NLRP7: variants seen among roughly 807,000 people sequenced by gnomAD.
NLRP7 encodes the protein NLR family pyrin domain containing 7, also known as NACHT, LRR and PYD domains-containing protein 7.
Under a neutral mutation model 85.5 loss-of-function variants are expected in NLRP7, and 72 were observed. That is an observed-to-expected ratio of 0.84 (90% confidence interval 0.70 to 1.02). The LOEUF (loss-of-function observed/expected upper bound fraction) is 1.02, where lower values mean the gene tolerates loss of function less well. Among genes scored for constraint, NLRP7 ranks in the 50% least tolerant of loss-of-function variants. The pLI, the probability that NLRP7 is intolerant of heterozygous loss-of-function variation, is 0.00. For synonymous variants in NLRP7, 550 were observed against 505.2 expected, an observed-to-expected ratio of 1.09 and a Z score of -1.19; for missense variants, 1,243 against 1,219.5, an observed-to-expected ratio of 1.02 and a Z score of -0.29.
chr19:54,944,659 C>T (rs2069387484), intron 1 of NLRP7, among the ~76,000 whole-genome samples: 1 of 152,084 alleles, frequency 6.6e-6, no homozygotes, highest in South Asian at 2.1e-4. Flanking sequence ...GCAGGCCACC[C>T]CTTCAGTGAG....
intron 1 of NLRP7, among the ~76,000 whole-genome samples, chr19:54,943,121 T>C (rs2069305340): frequency 6.6e-6 from 1 of 150,702 alleles, no homozygotes; most frequent in Admixed American, 6.6e-5. Context: ...TACTCCAGCC[T>C]GGGCAACAAG....
At chr19:54,945,238 C>T (rs1318289238) in intron 1 of NLRP7, among the ~76,000 whole-genome samples, 1 of 69,696 alleles carries the variant, frequency 1.4e-5, no homozygotes, top group Non-Finnish European at 3.0e-5. Context: ...GACTCCCTCT[C>T]AAAAAAAAAA....
At chr19:54,956,100 A>G (rs1019000107) in intron 1 of NLRP7, among the ~76,000 whole-genome samples, 3 of 150,574 alleles carry the variant, frequency 2.0e-5, no homozygotes, top group African/African-American at 7.3e-5. Context: ...TGATCTCGCA[A>G]CTGCACTCCA....
chr19:54,923,824 T>G lies in NLRP7; in HGVS notation c.2859A>C (p.Glu953Asp), dbSNP rs773515680. ...TCAGCTTGGGATTCTTTTCTTTCACTTCCTCCAACAGCTTCTTGATTTCCA... is the reference window on the plus strand; with the variant it reads ...TCAGCTTGGGATTCTTTTCTTTCACGTCCTCCAACAGCTTCTTGATTTCCA... Residue 953 changes from glutamate to aspartate, a missense_variant, in exon 10 of 10, where the codon GAA (glutamate) becomes GAC (aspartate). This residue lies in a region of NLRP7 where 613 missense variants were observed against 588.4 expected (regional missense o/e 1.04). Transcript: ENST00000340844. The G allele has an allele frequency of 1.7e-5, 27 of 1,613,842 alleles. No individual in the cohort carries two copies. The highest frequency in any genetic ancestry group is 2.7e-5 in the African/African-American group (2 of 74,928).
At chr19:54,951,960 G>T (rs1252265515), upstream of NLRP7, among the ~76,000 whole-genome samples, 1 of 151,954 alleles carries the variant, frequency 6.6e-6, no homozygotes, top group Non-Finnish European at 1.5e-5. Flanking sequence ...CACCATGTTA[G>T]CCAGGATGGT....
chr19:54,945,201 C>T (rs2069412444), intron 1 of NLRP7, among the ~76,000 whole-genome samples: 1 of 146,806 alleles, frequency 6.8e-6, no homozygotes, highest in Non-Finnish European at 1.5e-5. Flanking sequence ...CAAGATCGCG[C>T]CACTGCACTC....
In NLRP7 at chr19:54,936,047, G is replaced by C. The variant is rs186811624; in HGVS notation, c.2300+214C>G. On this transcript the variant is annotated intron_variant, in intron 6 of 9. Coordinates refer to ENST00000340844, the Ensembl canonical transcript of NLRP7. ...AAAGCTGGAACCCAGCACAGAATTC[G>C]GGGTGTTTCTTTGCATGGATAGCTG... Among the ~76,000 whole-genome samples the C allele has an allele frequency of 2.3e-4, 35 of 152,270 alleles. No individual in the cohort carries two copies. The East Asian group carries it at 6.6e-3, about 29-fold the overall frequency.
rs1164685787 is a variant in NLRP7 at position 54,934,561 on chromosome 19, A to G, written c.2399T>C (p.Val800Ala). The change falls in exon 7 of 10, where the codon GTG (valine) becomes GCG (alanine). Residue 800 changes from valine to alanine, a missense_variant. Transcript: ENST00000340844. This position sits in a 1 kb window ranked among gnomAD's most constrained non-coding sequence, Gnocchi z 6.7. ...CAACATGGCACCCTCATCCAGGAGCACATTGGCTGAGAGACGCAGGTGCTT... is the reference window on the plus strand; with the variant it reads ...CAACATGGCACCCTCATCCAGGAGCGCATTGGCTGAGAGACGCAGGTGCTT... 6.2e-7 allele frequency: 1 copy of G among 1,614,086 alleles called. No individual in the cohort carries two copies. Among genetic ancestry groups the G allele is most frequent in the South Asian group, 1.1e-5 (1 of 91,076 alleles).
chr19:54,944,924 C>T (rs1222937636), intron 1 of NLRP7, among the ~76,000 whole-genome samples: 1 of 151,998 alleles, frequency 6.6e-6, no homozygotes, highest in African/African-American at 2.4e-5. Flanking sequence ...GCAGTGACAA[C>T]GCTTGATGTA....
chr19:54,955,179 A>G (rs533034279), intron 1 of NLRP7, among the ~76,000 whole-genome samples: 2 of 151,982 alleles, frequency 1.3e-5, no homozygotes, highest in East Asian at 3.9e-4. Context: ...ATACAAAAAA[A>G]TTAGCTGGGT....
intron 1 of NLRP7, chr19:54,965,368 G>C (rs2070323078): frequency 9.7e-6 from 1 of 102,680 alleles, no homozygotes; most frequent in Non-Finnish European, 2.0e-5. Flanking sequence ...GTAGGGCCAG[G>C]TGTTGGGAGG....
At position 54,923,873 on chromosome 19, in the gene NLRP7, C is replaced by T; in HGVS notation, c.2811-1G>A. The T allele has an allele frequency of 6.2e-7, 1 of 1,613,316 alleles. No homozygotes were observed. Among genetic ancestry groups the T allele is most frequent in the Non-Finnish European group, 8.5e-7 (1 of 1,179,804 alleles). On this transcript the variant is annotated splice_acceptor_variant, in intron 9 of 9. Coordinates refer to ENST00000340844, the Ensembl canonical transcript of NLRP7. LOFTEE classifies it high-confidence loss of function. ...CAAATTAGTTTCATAGGTCTTCAAC[C>T]TGGAGGGATCAGAGAACACAAATGT...
At chr19:54,928,871 C>T (rs924798238) in intron 9 of NLRP7, among the ~76,000 whole-genome samples, 4 of 151,852 alleles carry the variant, frequency 2.6e-5, no homozygotes, top group Admixed American at 2.0e-4. Context: ...GGCGTGATCT[C>T]GGCTCACTGC....
chr19:54,961,798 C>T (rs958750811), intron 1 of NLRP7, among the ~76,000 whole-genome samples: 2 of 146,280 alleles, frequency 1.4e-5, no homozygotes, highest in Non-Finnish European at 3.0e-5. Context: ...GGCAACAGAG[C>T]GAGAGTCTGT....
exon 4 of NLRP7, chr19:54,939,152 T>C (rs2069084017): frequency 1.2e-6 from 2 of 1,614,116 alleles, no homozygotes; most frequent in African/African-American, 1.3e-5. Context: ...TGCATGAAGA[T>C]GTGCTTTGCA....
rs534839412 is a variant in NLRP7 at position 54,934,717 on chromosome 19, T to G, written c.2301-58A>C. 1 of 602,750 alleles carries G rather than the reference T, an allele frequency of 1.7e-6. No homozygotes were observed. Among genetic ancestry groups the G allele is most frequent in the Non-Finnish European group, 2.3e-6 (1 of 428,164 alleles). 37.3% of individuals were successfully genotyped at this position (602,750 alleles called of 1,614,324 possible). A position where few individuals can be genotyped will look rare whatever the true frequency, so the allele number is the denominator to read the frequency against. On this transcript the variant is annotated intron_variant, in intron 6 of 9. Transcript: ENST00000340844. This position sits in a 1 kb window ranked among gnomAD's most constrained non-coding sequence, Gnocchi z 6.7. ...GGAGGACAGAGTATACCCTATCAGCTTTTTTTTTTTGAGACAGAGTTTCAC... is the reference window on the plus strand; with the variant it reads ...GGAGGACAGAGTATACCCTATCAGCGTTTTTTTTTTGAGACAGAGTTTCAC...
chr19:54,934,795 C>A lies in NLRP7; in HGVS notation c.2301-136G>T. 1 of 683,946 alleles carries A rather than the reference C, an allele frequency of 1.5e-6. No individual in the cohort carries two copies. The highest frequency in any genetic ancestry group is 2.4e-6 in the Non-Finnish European group (1 of 414,636). 42.4% of individuals were successfully genotyped at this position (683,946 alleles called of 1,614,324 possible). On this transcript the variant is annotated intron_variant, in intron 6 of 9. Transcript: ENST00000340844. This position sits in a 1 kb window ranked among gnomAD's most constrained non-coding sequence, Gnocchi z 6.7. ...CGTGATCTCACCTCACTGCAGCCTCCGCCTCCCGGGTTCAAGCTATTCTCC... is the reference window on the plus strand; with the variant it reads ...CGTGATCTCACCTCACTGCAGCCTCAGCCTCCCGGGTTCAAGCTATTCTCC...
intron 1 of NLRP7, among the ~76,000 whole-genome samples, chr19:54,952,954 G>A (rs915301558): frequency 8.6e-5 from 13 of 151,986 alleles, no homozygotes; most frequent in Admixed American, 2.0e-4. Flanking sequence ...TGGCCAACAC[G>A]GTGAAACCCC....
intron 1 of NLRP7, among the ~76,000 whole-genome samples, chr19:54,956,786 C>T (rs114953579): frequency 6.6e-6 from 1 of 151,456 alleles, no homozygotes; most frequent in Non-Finnish European, 1.5e-5. Flanking sequence ...CCCAACACCA[C>T]GCCTTCTAAT....
Sources: allele counts gnomAD v4.1 joint callset (sites outside exome capture counted in the v4.1 genomes callset), GRCh38; gene constraint gnomAD v4.1.1; regional missense constraint gnomAD v4.1.1; non-coding constraint Gnocchi (gnomAD v3.1); transcripts MANE v1.5; gene names NCBI Gene and HGNC (gene_info 2026-07-23, HGNC 2026-07-21).